TLR9: variants seen among roughly 807,000 people sequenced by gnomAD.
TLR9 encodes the protein toll like receptor 9.
Under a neutral mutation model 24.6 loss-of-function variants are expected in TLR9, and 19 were observed. The observed-to-expected ratio is 0.77, with a 90% CI of 0.54 to 1.13. The LOEUF is 1.13. Among genes scored for constraint, TLR9 ranks in the 50% most tolerant of loss-of-function variants. The pLI, the probability that TLR9 is intolerant of heterozygous loss-of-function variation, is 0.00. For synonymous variants in TLR9, 579 were observed against 609.8 expected (o/e 0.95, Z 0.74); for missense variants, 1,065 against 1,379.6 (o/e 0.77, Z 3.61).
chr3:52,224,711 C>T (rs1037343604), intron 1 of TLR9, among the ~76,000 whole-genome samples: 1 of 152,200 alleles, frequency 6.6e-6, no homozygotes, highest in Non-Finnish European at 1.5e-5. Context: ...GAAATCCGCT[C>T]TCTGCCCTCC....
Position 52,223,343 on chromosome 3 carries a change from T to G in TLR9, c.973A>C (p.Thr325Pro). 6.2e-7 allele frequency: 1 copy of G among 1,614,202 alleles called. No homozygotes were observed. Among genetic ancestry groups the G allele is most frequent in the Non-Finnish European group, 8.5e-7 (1 of 1,180,032 alleles). ...LSENFLYKCI[T>P]KTKAFQGLTQ... is the part of the protein sequence containing the mutation. ...AGGCCCTGGAAGGCCTTGGTTTTAG[T>G]GATGCATTTGTAGAGGAAGTTCTCA... The change falls in exon 2 of 2, where the codon ACT (threonine) becomes CCT (proline). Residue 325 changes from threonine (T) to proline (P), a missense_variant. Thr to Pro is a conservative substitution (Grantham distance 38, BLOSUM62 -1). Transcript: ENST00000360658.
Position 52,221,095 on chromosome 3 carries a change from T to G in TLR9, c.*122A>C. The G allele has an allele frequency of 1.7e-5, 15 of 879,100 alleles. No homozygotes were observed. The highest frequency in any genetic ancestry group is 2.2e-5 in the Non-Finnish European group (13 of 589,312). 54.5% of individuals were successfully genotyped at this position (879,100 alleles called of 1,614,324 possible). Reference sequence around the variant, plus strand: ...GTTAGCCATCTAGCCTTCGGTAGCATTTATTGAGTGCCTGCTCTGTGTCAG... The same window carrying G: ...GTTAGCCATCTAGCCTTCGGTAGCAGTTATTGAGTGCCTGCTCTGTGTCAG... On this transcript the variant is annotated 3_prime_UTR_variant, in exon 2 of 2. Coordinates refer to ENST00000360658, the MANE Select transcript of TLR9 (RefSeq NM_017442.4). This position sits in a 1 kb window ranked among gnomAD's most constrained non-coding sequence, Gnocchi z 9.9.
chr3:52,222,750 A>C lies in TLR9; in HGVS notation c.1566T>G (p.Gly522=). ...VNGSQFLPLT[G]LQVLDLSHNK... ...TGTGGGACAGGTCTAGCACCTGCAG[A>C]CCGGTCAGCGGCAGGAACTGGGAGC... The change falls in exon 2 of 2, where the codon GGT becomes GGG. Residue 522 remains glycine (G), a synonymous_variant. Transcript: ENST00000360658. 6.2e-7 allele frequency: 1 copy of C among 1,614,018 alleles called. No homozygotes were observed. Among genetic ancestry groups the C allele is most frequent in the Non-Finnish European group, 8.5e-7 (1 of 1,180,046 alleles).
Position 52,221,963 on chromosome 3 carries a change from G to T in TLR9, c.2353C>A (p.Pro785Thr). 2 of 1,609,930 alleles carry T rather than the reference G, an allele frequency of 1.2e-6. No homozygotes were observed. Among genetic ancestry groups the T allele is most frequent in the Non-Finnish European group, 1.7e-6 (2 of 1,177,972 alleles). Residue 785 changes from proline (P) to threonine (T), a missense_variant, in exon 2 of 2, where the codon CCC becomes ACC. Coordinates refer to ENST00000360658, the MANE Select transcript of TLR9 (RefSeq NM_017442.4). This position sits in a 1 kb window ranked among gnomAD's most constrained non-coding sequence, Gnocchi z 9.9. ...GGACTGCCACACTTCACCCGGCTGG[G>T]CAGACCGGGCACGGCAGCCTGCACC... ...LEVQAAVPGL[P>T]SRVKCGSPGQ...
At position 52,222,590 on chromosome 3, in the gene TLR9, T is replaced by C; in HGVS notation, c.1726A>G (p.Thr576Ala). ...HNFSFVAHLR[T>A]LRHLSLAHNN... ...TGGGCCAGGCTGAGGTGGCGCAGGG[T>C]GCGCAGGTGAGCCACGAAGCTGAAG... Residue 576 changes from threonine (T) to alanine (A), a missense_variant, in exon 2 of 2, where the codon ACC (threonine) becomes GCC (alanine). Coordinates refer to ENST00000360658, the MANE Select transcript of TLR9 (RefSeq NM_017442.4). 6.2e-7 allele frequency: 1 copy of C among 1,614,032 alleles called. No individual in the cohort carries two copies. Among genetic ancestry groups the C allele is most frequent in the Non-Finnish European group, 8.5e-7 (1 of 1,180,010 alleles).
chr3:52,222,980 C>T lies in TLR9; in HGVS notation c.1336G>A (p.Val446Ile), dbSNP rs200190729. 9.0e-5 allele frequency: 143 copies of T among 1,593,642 alleles called. No homozygotes were observed. Among genetic ancestry groups the T allele is most frequent in the Admixed American group, 2.2e-4 (13 of 58,626 alleles). Residue 446 changes from valine (V) to isoleucine (I), a missense_variant, in exon 2 of 2, where the codon GTC becomes ATC. Val to Ile is a conservative substitution (Grantham distance 29). Transcript: ENST00000360658. ...TMGEADGGEK[V>I]WLQPGDLAPA... ...GCAAGGTCCCCAGGCTGCAGCCAGA[C>T]CTTCTCCCCTCCATCTGCCTCCCCC...
chr3:52,222,662 G>C lies in TLR9; in HGVS notation c.1654C>G (p.Leu552Val). 6.2e-7 allele frequency: 1 copy of C among 1,613,590 alleles called. No individual in the cohort carries two copies. The highest frequency in any genetic ancestry group is 8.5e-7 in the Non-Finnish European group (1 of 1,179,608). ...TELPRLEALD[L>V]SYNSQPFGMQ... is the part of the protein sequence containing the mutation. ...CCAAAGGGCTGGCTGTTGTAGCTGA[G>C]GTCCAGGGCCTCCAGTCGCGGTAGC... Residue 552 changes from leucine (L) to valine (V), a missense_variant, in exon 2 of 2, where the codon CTC becomes GTC. Physicochemically the swap from Leu to Val is conservative, Grantham distance 32. Transcript: ENST00000360658.
Position 52,224,172 on chromosome 3 carries a change from C to T in TLR9, c.144G>A (p.Leu48=), listed in dbSNP as rs55993803. The T allele has an allele frequency of 4.2e-4, 672 of 1,602,508 alleles. 6 individuals carry two copies. In the South Asian group the frequency reaches 7.1e-3, roughly 17 times the overall value. ...QPHGLVNCNW[L]FLKSVPHFSM... is the part of the protein sequence containing the mutation. Reference sequence around the variant, plus strand: ...AGAAGTGGGGCACAGACTTCAGGAACAGCCAGTTGCAGTTCACCAGGCCGT... The same window carrying T: ...AGAAGTGGGGCACAGACTTCAGGAATAGCCAGTTGCAGTTCACCAGGCCGT... Residue 48 remains leucine (L), a synonymous_variant, in exon 2 of 2, where the codon CTG becomes CTA. Transcript: ENST00000360658.
In TLR9 at chr3:52,221,731, C is replaced by G. The variant is rs148303873; in HGVS notation, c.2585G>C (p.Gly862Ala). The change falls in exon 2 of 2, where the codon GGG (glycine) becomes GCG (alanine). Residue 862 changes from glycine to alanine, a missense_variant. By Grantham distance (60) the Gly-to-Ala change is moderately conservative. Coordinates refer to ENST00000360658, the MANE Select transcript of TLR9 (RefSeq NM_017442.4). The surrounding 1 kb of genome is among the most constrained non-coding windows in gnomAD (Gnocchi z 9.9). ...GTAGGGCAGGGCATCCTCATCTCGC[C>G]CACTTTGCCGCCCCCGCCAGGGAAG... ...AWLPWRGRQS[G>A]RDEDALPYDA... 2.5e-6 allele frequency: 4 copies of G among 1,613,942 alleles called. No homozygotes were observed. The Admixed American group carries it at 5.0e-5, about 20-fold the overall frequency.
In TLR9 at chr3:52,223,666, T is replaced by C. The variant is rs929984846; in HGVS notation, c.650A>G (p.Asn217Ser). 4 of 1,596,174 alleles carry C rather than the reference T, an allele frequency of 2.5e-6. No individual in the cohort carries two copies. Among genetic ancestry groups the C allele is most frequent in the Non-Finnish European group, 3.4e-6 (4 of 1,170,602 alleles). Residue 217 changes from asparagine (N) to serine (S), a missense_variant, in exon 2 of 2, where the codon AAC (asparagine) becomes AGC (serine). Transcript: ENST00000360658. The stretch of plus-strand genomic sequence containing the variant: ...CAGATACTCCAGGCTGGAAGGCAGG[T>C]TGCGGGGCACCACAGTGAGGTTGTT... ...KYNNLTVVPR[N>S]LPSSLEYLLL...
rs144698131 is a variant in TLR9 at position 52,222,299 on chromosome 3, G to C, written c.2017C>G (p.Leu673Val). The change falls in exon 2 of 2, where the codon CTC (leucine) becomes GTC (valine). Residue 673 changes from leucine to valine, a missense_variant. Physicochemically the swap from Leu to Val is conservative, Grantham distance 32. Transcript: ENST00000360658. The stretch of plus-strand genomic sequence containing the variant: ...ACTTCCAGTTTGGGCAGGAAGTGGA[G>C]GCTCCACCACTTAAAGAAGGCCAGG... ...NYLAFFKWWS[L>V]HFLPKLEVLD... 3.2e-4 allele frequency: 513 copies of C among 1,614,202 alleles called. 2 individuals carry two copies. In the African/African-American group the frequency reaches 5.9e-3, roughly 19 times the overall value.
chr3:52,225,476 C>A, intron 1 of TLR9, 51 bp downstream of exon 1: 2 of 1,605,594 alleles, frequency 1.2e-6, no homozygotes, highest in Non-Finnish European at 1.7e-6. Flanking sequence ...TCTTTCCCCA[C>A]CCCTTCCCAG....
rs201627440 is a variant in TLR9 at position 52,221,696 on chromosome 3, C to T, written c.2620G>A (p.Val874Met). 10 of 1,613,830 alleles carry T rather than the reference C, an allele frequency of 6.2e-6. No individual in the cohort carries two copies. The highest frequency in any genetic ancestry group is 8.5e-6 in the Non-Finnish European group (10 of 1,180,024). ...GCGCTCTGCGTTTTGTCGAAGACCA[C>T]GAAGGCATCGTAGGGCAGGGCATCC... ...DEDALPYDAF[V>M]VFDKTQSAVA... The change falls in exon 2 of 2, where the codon GTG becomes ATG. Residue 874 changes from valine (V) to methionine (M), a missense_variant. Transcript: ENST00000360658. This position sits in a 1 kb window ranked among gnomAD's most constrained non-coding sequence, Gnocchi z 9.9.
In TLR9 at chr3:52,221,353, C is replaced by T; in HGVS notation, c.2963G>A (p.Cys988Tyr). 6.3e-7 allele frequency: 1 copy of T among 1,583,140 alleles called. No individual in the cohort carries two copies. The highest frequency in any genetic ancestry group is 8.6e-7 in the Non-Finnish European group (1 of 1,162,784). The change falls in exon 2 of 2, where the codon TGC becomes TAC. Residue 988 changes from cysteine (C) to tyrosine (Y), a missense_variant. By Grantham distance (194) the Cys-to-Tyr change is radical. Coordinates refer to ENST00000360658, the MANE Select transcript of TLR9 (RefSeq NM_017442.4). The surrounding 1 kb of genome is among the most constrained non-coding windows in gnomAD (Gnocchi z 9.9). ...SRYVRLRQRL[C>Y]RQSVLLWPHQ... Reference sequence around the variant, plus strand: ...GGGCCAGAGGAGGACACTCTGGCGGCAGAGGCGCTGGCGCAGCCGCACGTA... The same window carrying T: ...GGGCCAGAGGAGGACACTCTGGCGGTAGAGGCGCTGGCGCAGCCGCACGTA...
In TLR9 at chr3:52,225,536, G is replaced by C; in HGVS notation, c.-7C>G. On this transcript the variant is annotated 5_prime_UTR_variant, in exon 1 of 2. Coordinates refer to ENST00000360658, the MANE Select transcript of TLR9 (RefSeq NM_017442.4). ...AGAGCTGTTGTCCTACCATGCTGGG[G>C]GGCAGGGGCTTCTCCAGAGGGTCTG... The C allele has an allele frequency of 6.3e-7, 1 of 1,584,738 alleles. No individual in the cohort carries two copies. Among genetic ancestry groups the C allele is most frequent in the Non-Finnish European group, 8.5e-7 (1 of 1,170,016 alleles).
At position 52,222,607 on chromosome 3, in the gene TLR9, A is replaced by C; in HGVS notation, c.1709T>G (p.Phe570Cys). The change falls in exon 2 of 2, where the codon TTC (phenylalanine) becomes TGC (cysteine). Residue 570 changes from phenylalanine (F) to cysteine (C), a missense_variant. Coordinates refer to ENST00000360658, the MANE Select transcript of TLR9 (RefSeq NM_017442.4). The stretch of plus-strand genomic sequence containing the variant: ...GCGCAGGGTGCGCAGGTGAGCCACG[A>C]AGCTGAAGTTGTGGCCCACGCCCTG... The part of the protein sequence containing the change: ...GMQGVGHNFS[F>C]VAHLRTLRHL... 1 of 1,614,118 alleles carries C rather than the reference A, an allele frequency of 6.2e-7. No homozygotes were observed. The highest frequency in any genetic ancestry group is 8.5e-7 in the Non-Finnish European group (1 of 1,180,022).
In TLR9 at chr3:52,221,524, C is replaced by A. The variant is rs201071010; in HGVS notation, c.2792G>T (p.Arg931Leu). The change falls in exon 2 of 2, where the codon CGC (arginine) becomes CTC (leucine). Residue 931 changes from arginine to leucine, a missense_variant. Coordinates refer to ENST00000360658, the MANE Select transcript of TLR9 (RefSeq NM_017442.4). This position sits in a 1 kb window ranked among gnomAD's most constrained non-coding sequence, Gnocchi z 9.9. Reference protein sequence around the residue: ...ENLWASVYGSRKTLFVLAHTD... With the variant: ...ENLWASVYGSLKTLFVLAHTD... ...GTGGGCCAGCACAAACAGCGTCTTGCGGCTGCCATAGACCGAGGCCCACAG... is the reference window on the plus strand; with the variant it reads ...GTGGGCCAGCACAAACAGCGTCTTGAGGCTGCCATAGACCGAGGCCCACAG... The A allele has an allele frequency of 3.1e-6, 5 of 1,612,738 alleles. No individual in the cohort carries two copies. The African/African-American group carries it at 6.7e-5, about 22-fold the overall frequency.
chr3:52,223,905 A>C lies in TLR9; in HGVS notation c.411T>G (p.Thr137=), dbSNP rs1340264211. ...TGAGGGATTTGGGCAGCGCAGGCAC[A>C]GTCATGATGTTGTTGTAGCTCAGGT... ...ELNLSYNNIM[T]VPALPKSLIS... The change falls in exon 2 of 2, where the codon ACT becomes ACG. Residue 137 remains threonine (T), a synonymous_variant. Coordinates refer to ENST00000360658, the MANE Select transcript of TLR9 (RefSeq NM_017442.4). The C allele has an allele frequency of 6.2e-7, 1 of 1,601,874 alleles. No individual in the cohort carries two copies. Among genetic ancestry groups the C allele is most frequent in the Non-Finnish European group, 8.5e-7 (1 of 1,172,594 alleles).
intron 1 of TLR9, 57 bp from the exon 2 acceptor site, chr3:52,224,369 T>G: frequency 1.5e-6 from 2 of 1,353,198 alleles, no homozygotes; most frequent in South Asian, 2.6e-5. Context: ...CTCCACCCAC[T>G]CCACTTCATG....
Sources: gnomAD v4.1 joint callset for allele counts (sites outside exome capture counted in the v4.1 genomes callset) on GRCh38, gnomAD v4.1.1 for gene constraint, Gnocchi (gnomAD v3.1) non-coding constraint, MANE v1.5 for transcripts, NCBI Gene and HGNC (gene_info 2026-07-23, HGNC 2026-07-21) for gene names.